Variants in BBS9 observed in about 807,000 individuals in gnomAD.
The protein encoded by BBS9 is protein PTHB1.
BBS9 carries 89 observed loss-of-function variants against 117.7 expected under a neutral mutation model. The observed-to-expected ratio is 0.76, with a 90% CI of 0.64 to 0.90. The LOEUF is 0.90. BBS9 is among the 40% of genes least tolerant of loss of function. The pLI, the probability that BBS9 is intolerant of heterozygous loss-of-function variation, is 0.00. For missense variants in BBS9, 982 were observed against 1,042.2 expected, an observed-to-expected ratio of 0.94 and a Z score of 0.80; for synonymous variants, 379 against 370.9, an observed-to-expected ratio of 1.02 and a Z score of -0.25.
At chr7:33,404,201 A>G (rs1022087882) in intron 19 of BBS9, among the ~76,000 whole-genome samples, 50 of 152,112 alleles carry the variant, frequency 3.3e-4, no homozygotes, top group African/African-American at 1.2e-3. Flanking sequence ...CCATTGATCT[A>G]TATCTCTGTT....
At chr7:33,166,566 G>T (rs1795724190) in intron 4 of BBS9, among the ~76,000 whole-genome samples, 1 of 152,262 alleles carries the variant, frequency 6.6e-6, no homozygotes, top group Admixed American at 6.5e-5. Flanking sequence ...CCTCAGCAAT[G>T]GCGGATGCCC....
intron 19 of BBS9, among the ~76,000 whole-genome samples, chr7:33,489,232 G>C (rs996944708): frequency 6.0e-5 from 9 of 150,662 alleles, no homozygotes; most frequent in Non-Finnish European, 7.4e-5. Context: ...GACTTCAAGT[G>C]ATCCACTCTC....
chr7:33,235,212 T>C (rs1793251450), intron 5 of BBS9, among the ~76,000 whole-genome samples: 1 of 152,190 alleles, frequency 6.6e-6, no homozygotes, highest in South Asian at 2.1e-4. Flanking sequence ...CATGAAAATA[T>C]ATATTCTTCT....
intron 9 of BBS9, among the ~76,000 whole-genome samples, chr7:33,298,980 T>C (rs1805827675): frequency 6.6e-6 from 1 of 152,128 alleles, no homozygotes; most frequent in Admixed American, 6.5e-5. Flanking sequence ...CAGTCAGAAG[T>C]CTTTTATTGT....
At chr7:33,251,369 G>C (rs547473951) in intron 5 of BBS9, among the ~76,000 whole-genome samples, 1 of 152,280 alleles carries the variant, frequency 6.6e-6, no homozygotes, top group East Asian at 1.9e-4. Flanking sequence ...ACCAATCACT[G>C]TGACTACTGG....
At chr7:33,313,306 TC>T (rs1809717720) in intron 9 of BBS9, among the ~76,000 whole-genome samples, 2 of 152,216 alleles carry the variant, frequency 1.3e-5, no homozygotes, top group African/African-American at 2.4e-5. Flanking sequence ...ATCTTTAGCC[TC>T]TAGCGTGGTG....
At chr7:33,279,346 G>T (rs948467926) in intron 9 of BBS9, among the ~76,000 whole-genome samples, 1 of 152,190 alleles carries the variant, frequency 6.6e-6, no homozygotes, top group Non-Finnish European at 1.5e-5. Context: ...CAAGTGCTGG[G>T]ATTATGGGTA....
chr7:33,370,035 C>T (rs1402841975), intron 17 of BBS9, among the ~76,000 whole-genome samples: 3 of 152,062 alleles, frequency 2.0e-5, no homozygotes, highest in East Asian at 1.9e-4. Flanking sequence ...TGCTGTATGG[C>T]GATTTTAGTT....
At chr7:33,296,412 T>C (rs950788461) in intron 9 of BBS9, among the ~76,000 whole-genome samples, 7 of 152,168 alleles carry the variant, frequency 4.6e-5, no homozygotes, top group African/African-American at 1.4e-4. Context: ...TTAACACCAT[T>C]ATTTTCTATT....
chr7:33,424,874 G>A (rs890065883), intron 19 of BBS9, among the ~76,000 whole-genome samples: 3 of 152,076 alleles, frequency 2.0e-5, no homozygotes, highest in Non-Finnish European at 4.4e-5. Context: ...TGATCACTCA[G>A]AGTAACAGAT....
intron 20 of BBS9, among the ~76,000 whole-genome samples, chr7:33,524,487 T>C (rs1563301688): frequency 6.6e-6 from 1 of 152,248 alleles, no homozygotes; most frequent in Non-Finnish European, 1.5e-5. Flanking sequence ...GGAGGGTGTA[T>C]GTGTCGAGGA....
intron 18 of BBS9, among the ~76,000 whole-genome samples, chr7:33,384,147 T>C (rs1196204799): frequency 6.6e-6 from 1 of 152,214 alleles, no homozygotes; most frequent in Non-Finnish European, 1.5e-5. Context: ...TTTGAGCTTA[T>C]CGGAGGCCAT....
intron 19 of BBS9, among the ~76,000 whole-genome samples, chr7:33,390,848 A>C (rs1471417509): frequency 6.6e-6 from 1 of 152,168 alleles, no homozygotes; most frequent in Non-Finnish European, 1.5e-5. Flanking sequence ...CACCAGGCTA[A>C]AGAAAAACTC....
At chr7:33,314,789 C>G (rs573831519) in intron 9 of BBS9, among the ~76,000 whole-genome samples, 1 of 152,172 alleles carries the variant, frequency 6.6e-6, no homozygotes, top group South Asian at 2.1e-4. Flanking sequence ...CACACATGCA[C>G]AAAAATGCAA....
chr7:33,603,250 C>CT (rs1014123495), intron 21 of BBS9, among the ~76,000 whole-genome samples: 14 of 151,334 alleles, frequency 9.3e-5, no homozygotes, highest in South Asian at 2.1e-4. Flanking sequence ...ACTTTTCTGC[C>CT]TTTTTTTTTC....
chr7:33,307,858 G>T (rs1171995736), intron 9 of BBS9, among the ~76,000 whole-genome samples: 2 of 150,890 alleles, frequency 1.3e-5, no homozygotes. Context: ...GATGGTATTT[G>T]TTACTAATTA....
intron 9 of BBS9, among the ~76,000 whole-genome samples, chr7:33,316,557 A>G (rs1368642802): frequency 2.0e-5 from 3 of 152,170 alleles, no homozygotes; most frequent in Non-Finnish European, 4.4e-5. Flanking sequence ...TCCAACATTT[A>G]GTACTATCAG....
intron 9 of BBS9, among the ~76,000 whole-genome samples, chr7:33,332,705 CAACAAA>C (rs1280535377): frequency 1.4e-5 from 2 of 140,316 alleles, no homozygotes; most frequent in African/African-American, 2.5e-5. Flanking sequence ...ACAACAACAA[CAACAAA>C]AACAAAAAAG....
chr7:33,259,969 A>G lies in BBS9; in HGVS notation c.617+2559A>G, dbSNP rs144290749. On this transcript the variant is annotated intron_variant, in intron 6 of 22. Coordinates refer to ENST00000242067, the MANE Select transcript of BBS9 (RefSeq NM_198428.3). ...TAAAACACCTCCTTAAGCCAGAATA[A>G]TTTTTATTTCTGACTAAAAGACCTA... 5.6e-3 allele frequency among the ~76,000 whole-genome samples: 814 copies of G among 145,782 alleles called. 8 individuals carry two copies. The highest frequency in any genetic ancestry group is 0.018 in the African/African-American group (724 of 39,678).
Sources: allele counts gnomAD v4.1 joint callset (sites outside exome capture counted in the v4.1 genomes callset), GRCh38; gene constraint gnomAD v4.1.1; transcripts MANE v1.5; gene names NCBI Gene and HGNC (gene_info 2026-07-23, HGNC 2026-07-21).